The following VWC2L variants were observed in gnomAD, a reference collection of about 807,000 sequenced individuals.
The protein encoded by VWC2L is von Willebrand factor C domain containing 2 like.
In VWC2L, 10 loss-of-function variants were observed where a neutral mutation model predicts 21.6. The observed-to-expected ratio is 0.46, with a 90% CI of 0.29 to 0.78. The LOEUF (loss-of-function observed/expected upper bound fraction) is 0.78, where lower values mean the gene tolerates loss of function less well. VWC2L is among the 30% of genes least tolerant of loss of function. The pLI, the probability that VWC2L is intolerant of heterozygous loss-of-function variation, is 0.10. For missense variants in VWC2L, 209 were observed against 277.1 expected, an observed-to-expected ratio of 0.75 and a Z score of 1.74; for synonymous variants, 96 against 94.3, an observed-to-expected ratio of 1.02 and a Z score of -0.10.
chr2:214,429,563 TTTGA>T (rs1437053071), intron 2 of VWC2L, among the ~76,000 whole-genome samples: 12 of 152,244 alleles, frequency 7.9e-5, no homozygotes, highest in South Asian at 6.2e-4. Flanking sequence ...AAAATACATC[TTTGA>T]TTGCAAATAA....
rs145296797 is a variant in VWC2L at position 214,504,835 on chromosome 2, G to C, written c.520+68077G>C. 6.8e-3 allele frequency among the ~76,000 whole-genome samples: 1,032 copies of C among 152,304 alleles called. 11 individuals carry two copies. The highest frequency in any genetic ancestry group is 0.024 in the African/African-American group (982 of 41,572). ...TTACACAGGAGGAAACAATCAGAGAGAGATTAAGTAACTCACCCAATGTTC... is the reference window on the plus strand; with the variant it reads ...TTACACAGGAGGAAACAATCAGAGACAGATTAAGTAACTCACCCAATGTTC... On this transcript the variant is annotated intron_variant, in intron 3 of 3. Transcript: ENST00000312504.
chr2:214,478,728 T>G (rs6719667), intron 3 of VWC2L, among the ~76,000 whole-genome samples: 33,812 of 152,034 alleles, frequency 0.22, 3,861 homozygotes, highest in East Asian at 0.25. Flanking sequence ...AGCTGTGCCT[T>G]AAATACTCAA....
rs1186054268 is a variant in VWC2L at position 214,451,022 on chromosome 2, T to TC, written c.520+14266dup. On this transcript the variant is annotated intron_variant, in intron 3 of 3. Coordinates refer to ENST00000312504, the MANE Select transcript of VWC2L (RefSeq NM_001080500.4). ...TAGATTGCTGAGTTTTGAACCACACTCCATCAAATTTCAAAGCCTGCGTTC... is the reference window on the plus strand; with the variant it reads ...TAGATTGCTGAGTTTTGAACCACACTCCCATCAAATTTCAAAGCCTGCGTTC... Among the ~76,000 whole-genome samples, 6 of 152,068 alleles carry TC rather than the reference T, an allele frequency of 3.9e-5. No homozygotes were observed. The East Asian group carries it at 1.2e-3, about 29-fold the overall frequency.
At chr2:214,528,452 C>G (rs1689377996) in intron 3 of VWC2L, among the ~76,000 whole-genome samples, 1 of 152,142 alleles carries the variant, frequency 6.6e-6, no homozygotes, top group Non-Finnish European at 1.5e-5. Context: ...TACACACCAG[C>G]CTTTCATGTT....
intron 2 of VWC2L, among the ~76,000 whole-genome samples, chr2:214,419,136 C>A (rs1038475597): frequency 6.6e-6 from 1 of 152,110 alleles, no homozygotes; most frequent in Non-Finnish European, 1.5e-5. Flanking sequence ...CTGATGCAAG[C>A]TTTGAAAATG....
intron 2 of VWC2L, among the ~76,000 whole-genome samples, chr2:214,428,516 TCA>T (rs897580096): frequency 1.3e-5 from 2 of 152,150 alleles, no homozygotes; most frequent in Non-Finnish European, 2.9e-5. Context: ...AAGAAAGTAC[TCA>T]GTCAAGATTT....
intron 3 of VWC2L, among the ~76,000 whole-genome samples, chr2:214,469,182 T>C (rs990976167): frequency 1.3e-5 from 2 of 152,210 alleles, no homozygotes; most frequent in African/African-American, 4.8e-5. Flanking sequence ...TCCATACATA[T>C]TGTGCCAATA....
intron 3 of VWC2L, among the ~76,000 whole-genome samples, chr2:214,537,890 A>G (rs1689560551): frequency 2.2e-5 from 3 of 138,396 alleles, no homozygotes; most frequent in Admixed American, 8.2e-5. Flanking sequence ...TTGCTTCCAA[A>G]GGATAGTGGC....
chr2:214,427,250 C>T (rs1187893557), intron 2 of VWC2L, among the ~76,000 whole-genome samples: 2 of 152,056 alleles, frequency 1.3e-5, no homozygotes, highest in African/African-American at 4.8e-5. Flanking sequence ...TTAATTTTCC[C>T]CCAACATTAA....
At chr2:214,561,609 A>C (rs1689971858) in intron 3 of VWC2L, among the ~76,000 whole-genome samples, 1 of 151,686 alleles carries the variant, frequency 6.6e-6, no homozygotes, top group Admixed American at 6.6e-5. Context: ...TCTTGTCTCT[A>C]CTAAAAATAC....
At chr2:214,450,790 CAT>C (rs1702942180) in intron 3 of VWC2L, among the ~76,000 whole-genome samples, 1 of 152,262 alleles carries the variant, frequency 6.6e-6, no homozygotes, top group African/African-American at 2.4e-5. Context: ...GCCCTTTTCA[CAT>C]GTTTTCTCAA....
intron 3 of VWC2L, among the ~76,000 whole-genome samples, chr2:214,499,126 C>G (rs894415446): frequency 6.8e-6 from 1 of 146,962 alleles, no homozygotes; most frequent in East Asian, 2.1e-4. Flanking sequence ...TCAAGCAATT[C>G]TCCTGCCTCA....
chr2:214,468,628 A>G (rs367621777), intron 3 of VWC2L, among the ~76,000 whole-genome samples: 2 of 152,092 alleles, frequency 1.3e-5, no homozygotes, highest in Admixed American at 6.5e-5. Flanking sequence ...AACAAAAGCA[A>G]TAAAATGAAA....
chr2:214,575,536 T>C, intron 3 of VWC2L, 136 bp from the exon 4 acceptor site: 2 of 898,102 alleles, frequency 2.2e-6, no homozygotes, highest in African/African-American at 3.3e-5. Flanking sequence ...AGGAGATGGC[T>C]AGAAAATTCC....
At chr2:214,549,964 C>T (rs1333871852) in intron 3 of VWC2L, among the ~76,000 whole-genome samples, 2 of 151,992 alleles carry the variant, frequency 1.3e-5, no homozygotes, top group Non-Finnish European at 2.9e-5. Context: ...AAACACTGAG[C>T]TGGATCAAAG....
At chr2:214,429,109 G>C (rs1702565502) in intron 2 of VWC2L, among the ~76,000 whole-genome samples, 1 of 152,146 alleles carries the variant, frequency 6.6e-6, no homozygotes. Flanking sequence ...ATGTGACCTT[G>C]CTTTATTGCT....
chr2:214,575,645 A>G (rs1690218176), intron 3 of VWC2L, 27 bp from the exon 4 acceptor site: 3 of 1,610,526 alleles, frequency 1.9e-6, no homozygotes, highest in Non-Finnish European at 2.5e-6. Flanking sequence ...GATTTAATCA[A>G]CTAATCAATG....
chr2:214,488,482 C>T (rs1688701980), intron 3 of VWC2L, among the ~76,000 whole-genome samples: 1 of 152,108 alleles, frequency 6.6e-6, no homozygotes, highest in Admixed American at 6.5e-5. Flanking sequence ...ACATGTAATT[C>T]CAGCTACTTG....
At chr2:214,532,156 C>A (rs1224201011) in intron 3 of VWC2L, among the ~76,000 whole-genome samples, 1 of 152,046 alleles carries the variant, frequency 6.6e-6, no homozygotes, top group Non-Finnish European at 1.5e-5. Context: ...GTTGACATAA[C>A]CCACTTCTGA....
Sources: gnomAD v4.1 joint callset for allele counts (sites outside exome capture counted in the v4.1 genomes callset) on GRCh38, gnomAD v4.1.1 for gene constraint, MANE v1.5 for transcripts, NCBI Gene and HGNC (gene_info 2026-07-23, HGNC 2026-07-21) for gene names.